COMMD2: variants seen among roughly 807,000 people sequenced by gnomAD.
COMMD2 encodes COMM domain-containing protein 2.
In COMMD2, 25 loss-of-function variants were observed where a neutral mutation model predicts 22.5. That is an observed-to-expected ratio of 1.11 (90% CI 0.81 to 1.55). COMMD2 has a LOEUF of 1.55. Ranked by LOEUF, COMMD2 falls within the 40% of genes most tolerant of loss-of-function variation. The probability of loss-of-function intolerance (pLI) is 0.00; values close to 1 mark genes in which losing one functional copy is unlikely to be tolerated. For synonymous variants in COMMD2, 98 were observed against 91.2 expected, an observed-to-expected ratio of 1.07 and a Z score of -0.42; for missense variants, 223 against 232.9, an observed-to-expected ratio of 0.96 and a Z score of 0.28.
chr3:149,751,996 T>C (rs994027406), intron 2 of COMMD2: 4 of 519,382 alleles, frequency 7.7e-6, no homozygotes, highest in African/African-American at 3.9e-5. Flanking sequence ...CATTTTACCA[T>C]GAGAAAACTG....
In COMMD2 at chr3:149,749,722, T is replaced by C. The variant is rs768659580; in HGVS notation, c.402+956A>G. ...AATTTTCTCTATTCATTCATCCTTC[T>C]GAAATTTCATTTCCTTTTGCTGGAA... is the stretch of plus-strand genomic sequence containing the variant. On this transcript the variant is annotated intron_variant, in intron 4 of 4. Transcript: ENST00000473414. Among the ~76,000 whole-genome samples the C allele has an allele frequency of 2.0e-5, 3 of 152,242 alleles. No homozygotes were observed. The East Asian group carries it at 5.8e-4, about 29-fold the overall frequency.
chr3:149,747,195 T>G (rs368020456), intron 4 of COMMD2, among the ~76,000 whole-genome samples: 3 of 152,244 alleles, frequency 2.0e-5, no homozygotes, highest in Non-Finnish European at 4.4e-5. Flanking sequence ...CACTGTATGA[T>G]TCTGAAGTTT....
chr3:149,742,975 AAAAAAAGAAAAAG>A (rs1308302071), intron 4 of COMMD2, among the ~76,000 whole-genome samples: 10 of 150,030 alleles, frequency 6.7e-5, no homozygotes, highest in South Asian at 2.1e-4. Flanking sequence ...CAAAAAAAAA[AAAAAAAGAAAAAG>A]AAAAAGAAAA....
At chr3:149,742,673 A>C (rs1160700182) in intron 4 of COMMD2, among the ~76,000 whole-genome samples, 1 of 141,754 alleles carries the variant, frequency 7.1e-6, no homozygotes, top group African/African-American at 2.5e-5. Flanking sequence ...AAAAACTATA[A>C]AGAAAAGATT....
rs369408183 is a variant in COMMD2 at position 149,752,393 on chromosome 3, G to A, written c.52C>T (p.Gln18Ter). 1.3e-5 allele frequency: 21 copies of A among 1,614,024 alleles called. No individual in the cohort carries two copies. In the African/African-American group the frequency reaches 1.7e-4, roughly 13 times the overall value. ...EHKEHLAFLP[Q>*]VDSAVVAEFG... ...GCCCGCTGACCCGCGCTGTCCACTT[G>A]AGGCAGGAAGGCCAGGTGTTCCTTA... Residue 18 changes from glutamine (Q) to a stop codon, truncating the protein, a stop_gained, in exon 1 of 5, where the codon CAA (glutamine) becomes TAA (stop). Transcript: ENST00000473414. LOFTEE classifies it high-confidence loss of function.
chr3:149,745,578 G>A (rs1716345929), intron 4 of COMMD2, among the ~76,000 whole-genome samples: 2 of 152,118 alleles, frequency 1.3e-5, no homozygotes, highest in South Asian at 2.1e-4. Flanking sequence ...GAACTTAAAG[G>A]CAGCACTGCT....
At chr3:149,751,626 C>T in intron 2 of COMMD2, 141 bp from the exon 3 acceptor site, 1 of 696,006 alleles carries the variant, frequency 1.4e-6, no homozygotes, top group Non-Finnish European at 2.2e-6. Flanking sequence ...GCCAGAGGCT[C>T]CTGCTCCTTG....
chr3:149,744,374 G>A (rs757299401), intron 4 of COMMD2, among the ~76,000 whole-genome samples: 6 of 152,122 alleles, frequency 3.9e-5, no homozygotes, highest in Non-Finnish European at 8.8e-5. Context: ...CAATATGTGG[G>A]CAAGACAGGA....
intron 4 of COMMD2, among the ~76,000 whole-genome samples, chr3:149,748,010 T>C (rs1032337836): frequency 7.3e-6 from 1 of 137,022 alleles, no homozygotes; most frequent in African/African-American, 2.8e-5. Context: ...GGAGCAGCAG[T>C]AGGAGGAGTA....
chr3:149,751,797 C>A, intron 2 of COMMD2: 1 of 278,550 alleles, frequency 3.6e-6, no homozygotes, highest in Non-Finnish European at 6.6e-6. Context: ...GACTTAATCC[C>A]AGAGACTGCC....
chr3:149,741,771 T>C, intron 4 of COMMD2, 53 bp from the exon 5 acceptor site: 2 of 1,288,958 alleles, frequency 1.6e-6, no homozygotes, highest in East Asian at 4.6e-5. Flanking sequence ...CCATGCTGAA[T>C]ACATAATATT....
intron 3 of COMMD2, 109 bp from the exon 4 acceptor site, chr3:149,750,960 G>A: frequency 1.4e-6 from 1 of 710,202 alleles, no homozygotes; most frequent in Non-Finnish European, 2.1e-6. Flanking sequence ...TCTAGTAAAA[G>A]AAACAGCATT....
chr3:149,751,757 G>A lies in COMMD2; in HGVS notation c.146-272C>T, dbSNP rs572163355. Reference sequence around the variant, plus strand: ...TCTCTTGAATACGTAGCTCCTTCAAGTCTGGCAGAAGAGGAACTCGACAGG... The same window carrying A: ...TCTCTTGAATACGTAGCTCCTTCAAATCTGGCAGAAGAGGAACTCGACAGG... On this transcript the variant is annotated intron_variant, in intron 2 of 4. Transcript: ENST00000473414. The A allele has an allele frequency of 1.0e-5, 3 of 287,274 alleles. No individual in the cohort carries two copies. In the South Asian group the frequency reaches 3.1e-4, roughly 29 times the overall value. The allele number at this position is 287,274 out of a possible 1,614,324, so 17.8% of individuals were successfully genotyped here. A position where few individuals can be genotyped will look rare whatever the true frequency, so the allele number is the denominator to read the frequency against.
At chr3:149,751,885 C>A in intron 2 of COMMD2, 1 of 304,072 alleles carries the variant, frequency 3.3e-6, no homozygotes, top group Non-Finnish European at 6.0e-6. Flanking sequence ...TAATGATAAC[C>A]AAATACTTGC....
At chr3:149,747,672 C>A (rs997001301) in intron 4 of COMMD2, among the ~76,000 whole-genome samples, 2 of 152,180 alleles carry the variant, frequency 1.3e-5, no homozygotes, top group African/African-American at 4.8e-5. Context: ...CGTGCTGGCT[C>A]ATGCCTGTAA....
Position 149,750,970 on chromosome 3 carries a change from T to G in COMMD2, c.229-119A>C, listed in dbSNP as rs1576660825. 4.5e-6 allele frequency: 3 copies of G among 660,594 alleles called. No homozygotes were observed. In the East Asian group the frequency reaches 9.0e-5, roughly 20 times the overall value. The allele number at this position is 660,594 out of a possible 1,614,324, so 40.9% of individuals were successfully genotyped here. On this transcript the variant is annotated intron_variant, in intron 3 of 4. Coordinates refer to ENST00000473414, the MANE Select transcript of COMMD2 (RefSeq NM_016094.4). ...TTCTGTCTAGTAAAAGAAACAGCAT[T>G]CCTTAACCACTGACCACCATTCCAA...
At chr3:149,741,879 G>T (rs1716238849) in intron 4 of COMMD2, among the ~76,000 whole-genome samples, 161 bp from the exon 5 acceptor site, 1 of 151,932 alleles carries the variant, frequency 6.6e-6, no homozygotes, top group Non-Finnish European at 1.5e-5. Flanking sequence ...AGAAAATAAT[G>T]AGAATATATA....
At chr3:149,742,583 G>T (rs779009029) in intron 4 of COMMD2, among the ~76,000 whole-genome samples, 4 of 152,014 alleles carry the variant, frequency 2.6e-5, no homozygotes, top group Non-Finnish European at 4.4e-5. Context: ...TAGAAGAAAT[G>T]AAAATGTTGA....
chr3:149,749,117 C>A (rs982354498), intron 4 of COMMD2, among the ~76,000 whole-genome samples: 1 of 151,864 alleles, frequency 6.6e-6, no homozygotes, highest in Non-Finnish European at 1.5e-5. Context: ...CGGGTTCAAG[C>A]GATTCTCCTG....
Sources: gnomAD v4.1 joint callset for allele counts (sites outside exome capture counted in the v4.1 genomes callset) on GRCh38, gnomAD v4.1.1 for gene constraint, MANE v1.5 for transcripts, NCBI Gene and HGNC (gene_info 2026-07-23, HGNC 2026-07-21) for gene names.